LONRF3: variants seen among roughly 807,000 people sequenced by gnomAD.
The protein encoded by LONRF3 is LON peptidase N-terminal domain and RING finger protein 3.
In LONRF3, 19 loss-of-function variants were observed where a neutral mutation model predicts 51.7. The observed-to-expected ratio is 0.37, with a 90% CI of 0.26 to 0.54. The LOEUF (loss-of-function observed/expected upper bound fraction) is 0.54. Among genes scored for constraint, LONRF3 ranks in the 20% least tolerant of loss-of-function variants. The pLI, the probability that LONRF3 is intolerant of heterozygous loss-of-function variation, is 0.86. For synonymous variants in LONRF3, 265 were observed against 257.8 expected (o/e 1.03, Z -0.27); for missense variants, 521 against 623.9 (o/e 0.84, Z 1.76).
At chrX:119,015,659 C>T (rs1454554578) in intron 10 of LONRF3, among the ~76,000 whole-genome samples, 1 of 112,327 alleles carries the variant, frequency 8.9e-6, no homozygotes, top group Non-Finnish European at 1.9e-5. Flanking sequence ...GCAAAAGATA[C>T]AGATCAGCAA....
At chrX:118,999,157 A>G (rs1924092100) in intron 5 of LONRF3, among the ~76,000 whole-genome samples, 1 of 111,877 alleles carries the variant, frequency 8.9e-6, no homozygotes, top group African/African-American at 3.3e-5. Flanking sequence ...CTTAAAAAAA[A>G]TTTTAGGTGC....
In LONRF3 at chrX:118,979,300, C is replaced by CTTTTTTTTTT. The variant is rs781007753; in HGVS notation, c.936+839_936+848dup. Among the ~76,000 whole-genome samples the CTTTTTTTTTT allele has an allele frequency of 3.6e-3, 347 of 97,324 alleles. 4 individuals carry two copies. Among genetic ancestry groups the CTTTTTTTTTT allele is most frequent in the African/African-American group, 0.013 (335 of 26,128 alleles). 84.5% of individuals were successfully genotyped at this position (97,324 alleles called of 115,157 possible). On this transcript the variant is annotated intron_variant, in intron 2 of 10. Transcript: ENST00000371628. ...TTACAGGCGTGAGCCACCGCGCTGG[C>CTTTTTTTTTT]TTTTTTTTTTTGAGACGGAGTCTCA...
chrX:118,986,796 A>T (rs1017867424), intron 3 of LONRF3: 7 of 527,304 alleles, frequency 1.3e-5, no homozygotes, highest in Non-Finnish European at 1.8e-5. Context: ...TGTGTTAGGG[A>T]CACTGGTCCA....
intron 5 of LONRF3, among the ~76,000 whole-genome samples, chrX:118,996,341 A>C (rs1923864668): frequency 2.7e-5 from 3 of 111,430 alleles, no homozygotes; most frequent in African/African-American, 9.8e-5. Flanking sequence ...AAAGAAATAA[A>C]GGGCATCCAA....
chrX:118,975,632 C>T (rs769714641), intron 1 of LONRF3, 35 bp downstream of exon 1: 3 of 1,068,861 alleles, frequency 2.8e-6, no homozygotes, highest in Non-Finnish European at 3.7e-6. Context: ...GGGGCTGGGG[C>T]TCGGTGGCTA....
At chrX:119,014,607 A>G (rs1410950816) in intron 10 of LONRF3, among the ~76,000 whole-genome samples, 1 of 111,687 alleles carries the variant, frequency 9.0e-6, no homozygotes, top group Non-Finnish European at 1.9e-5. Context: ...ACTAAGTAAG[A>G]TAAGAGAATG....
intron 2 of LONRF3, among the ~76,000 whole-genome samples, chrX:118,979,344 A>G (rs1922374153): frequency 9.5e-6 from 1 of 105,520 alleles, no homozygotes; most frequent in Admixed American, 1.0e-4. Context: ...CTCACACTGG[A>G]GTGCAGTGGC....
At chrX:118,979,002 T>C (rs866998225) in intron 2 of LONRF3, among the ~76,000 whole-genome samples, 53 of 93,240 alleles carry the variant, frequency 5.7e-4, no homozygotes, top group African/African-American at 6.8e-4. Context: ...TTCTTTCTTT[T>C]TTTTTTTTTT....
chrX:118,978,871 A>G (rs1033585645), intron 2 of LONRF3, among the ~76,000 whole-genome samples: 34 of 111,412 alleles, frequency 3.1e-4, no homozygotes, highest in African/African-American at 1.1e-3. Flanking sequence ...TGTTGTGAGG[A>G]TTACATAAGC....
intron 3 of LONRF3, among the ~76,000 whole-genome samples, chrX:118,983,302 G>C (rs1344830314): frequency 1.8e-5 from 2 of 111,701 alleles, no homozygotes; most frequent in African/African-American, 6.5e-5. Flanking sequence ...GAGATCCAGG[G>C]CATGGGGCTA....
At position 119,017,752 on chromosome X, in the gene LONRF3, T is replaced by G; in HGVS notation, c.*62T>G. On this transcript the variant is annotated 3_prime_UTR_variant, in exon 11 of 11. Coordinates refer to ENST00000371628, the MANE Select transcript of LONRF3 (RefSeq NM_001031855.3). ...ACTGCCGTCGGGGGGAGTCTTCTTGTAAATATATCTAATTGCAATAATATC... is the reference window on the plus strand; with the variant it reads ...ACTGCCGTCGGGGGGAGTCTTCTTGGAAATATATCTAATTGCAATAATATC... 1.0e-6 allele frequency: 1 copy of G among 1,001,319 alleles called. No homozygotes were observed. The highest frequency in any genetic ancestry group is 1.3e-6 in the Non-Finnish European group (1 of 742,752). 82.5% of individuals were successfully genotyped at this position (1,001,319 alleles called of 1,213,427 possible). A position where few individuals can be genotyped will look rare whatever the true frequency, so the allele number is the denominator to read the frequency against.
intron 3 of LONRF3, chrX:118,986,788 T>C: frequency 2.1e-6 from 1 of 487,497 alleles, no homozygotes; most frequent in Non-Finnish European, 3.4e-6. Flanking sequence ...TGGTGTGGTG[T>C]GTTAGGGACA....
At chrX:118,996,042 AG>A (rs2147286452) in intron 5 of LONRF3, among the ~76,000 whole-genome samples, 1 of 112,470 alleles carries the variant, frequency 8.9e-6, no homozygotes, top group African/African-American at 3.2e-5. Context: ...AACCAAAAAA[AG>A]AAAACCACAT....
At chrX:119,002,824 A>G (rs1377826703) in intron 5 of LONRF3, among the ~76,000 whole-genome samples, 2 of 109,490 alleles carry the variant, frequency 1.8e-5, no homozygotes, top group East Asian at 2.9e-4. Context: ...TTTGAGATGG[A>G]GTCTCACTCT....
chrX:119,013,722 A>G (rs1054551239), intron 9 of LONRF3, among the ~76,000 whole-genome samples: 3 of 111,898 alleles, frequency 2.7e-5, no homozygotes, highest in African/African-American at 9.8e-5. Flanking sequence ...AAGAAGAGGT[A>G]AATAATCCTA....
At chrX:118,989,825 A>G (rs944139051) in intron 4 of LONRF3, among the ~76,000 whole-genome samples, 153 bp downstream of exon 4, 2 of 111,507 alleles carry the variant, frequency 1.8e-5, no homozygotes, top group Non-Finnish European at 3.8e-5. Flanking sequence ...AGAGATTGCT[A>G]TGAGGCTTCT....
In LONRF3 at chrX:118,982,895, T is replaced by C. The variant is rs1422558605; in HGVS notation, c.1011T>C (p.Cys337=). The stretch of plus-strand genomic sequence containing the variant: ...AGGCACTAAGGGAGTTTCTCTACTG[T>C]GTATCCCTTGATGGAAAGAACAAGA... The part of the protein sequence containing the change: ...VEEALREFLY[C]VSLDGKNKRA... The change falls in exon 3 of 11, where the codon TGT becomes TGC. Residue 337 remains cysteine, a synonymous_variant. Transcript: ENST00000371628. 8.3e-7 allele frequency: 1 copy of C among 1,208,880 alleles called. No individual in the cohort carries two copies. The highest frequency in any genetic ancestry group is 1.1e-6 in the Non-Finnish European group (1 of 894,399).
intron 5 of LONRF3, among the ~76,000 whole-genome samples, chrX:119,000,956 A>T (rs1924276238): frequency 9.1e-6 from 1 of 110,213 alleles, no homozygotes; most frequent in South Asian, 4.0e-4. Flanking sequence ...AGAAAACAAT[A>T]CAAGGATGTA....
intron 3 of LONRF3, chrX:118,986,859 C>A: frequency 9.6e-7 from 1 of 1,041,252 alleles, no homozygotes; most frequent in Non-Finnish European, 1.3e-6. Flanking sequence ...CCCCCTTCAC[C>A]CTCCTCCCCT....
Sources: allele counts gnomAD v4.1 joint callset (sites outside exome capture counted in the v4.1 genomes callset), GRCh38; gene constraint gnomAD v4.1.1; transcripts MANE v1.5; gene names NCBI Gene and HGNC (gene_info 2026-07-23, HGNC 2026-07-21).